Variants in NLRC4 observed in about 807,000 individuals in gnomAD.
The protein encoded by NLRC4 is NLR family CARD domain-containing protein 4.
In NLRC4, 63 loss-of-function variants were observed where a neutral mutation model predicts 79.9. The observed-to-expected ratio is 0.79, with a 90% CI of 0.64 to 0.97. The LOEUF (loss-of-function observed/expected upper bound fraction) is 0.97, where lower values mean the gene tolerates loss of function less well. Ranked by LOEUF, NLRC4 falls within the 50% of genes least tolerant of loss-of-function variation. The pLI is 0.00. For synonymous variants in NLRC4, 461 were observed against 456.5 expected, an observed-to-expected ratio of 1.01 and a Z score of -0.12; for missense variants, 1,074 against 1,215.2, an observed-to-expected ratio of 0.88 and a Z score of 1.73.
intron 5 of NLRC4, among the ~76,000 whole-genome samples, chr2:32,239,303 A>G (rs563988485): frequency 5.9e-5 from 9 of 152,282 alleles, no homozygotes; most frequent in African/African-American, 2.2e-4. Context: ...AAGAAAAGAA[A>G]TAAAATATAT....
chr2:32,251,394 A>C lies in NLRC4; in HGVS notation c.470T>G (p.Leu157Arg). The C allele has an allele frequency of 6.2e-7, 1 of 1,614,122 alleles. No homozygotes were observed. The highest frequency in any genetic ancestry group is 8.5e-7 in the Non-Finnish European group (1 of 1,180,002). ...HRVEQLTLNG[L>R]LQALQSPCII... is the part of the protein sequence containing the mutation. Reference sequence around the variant, plus strand: ...GCAGGGGCTCTGAAGAGCCTGCAGGAGGCCATTCAGGGTCAGCTGCTCCAC... The same window carrying C: ...GCAGGGGCTCTGAAGAGCCTGCAGGCGGCCATTCAGGGTCAGCTGCTCCAC... Residue 157 changes from leucine (L) to arginine (R), a missense_variant, in exon 4 of 9, where the codon CTC becomes CGC. By Grantham distance (102) the Leu-to-Arg change is moderately radical. Coordinates refer to ENST00000402280, the MANE Select transcript of NLRC4 (RefSeq NM_001199138.2).
intron 8 of NLRC4, among the ~76,000 whole-genome samples, chr2:32,229,812 A>T (rs1686489402): frequency 6.6e-6 from 1 of 152,262 alleles, no homozygotes; most frequent in African/African-American, 2.4e-5. Flanking sequence ...AACACTTCTG[A>T]AAGTGTCTAT....
At chr2:32,265,508 T>C (rs1687445055), upstream of NLRC4, 1 of 152,338 alleles carries the variant, frequency 6.6e-6, no homozygotes, top group African/African-American at 2.4e-5. Flanking sequence ...TGCTTAACCA[T>C]GGGAGATAGA....
At chr2:32,243,053 A>G (rs77460404) in intron 4 of NLRC4, among the ~76,000 whole-genome samples, 1 of 147,992 alleles carries the variant, frequency 6.8e-6, no homozygotes, top group African/African-American at 2.5e-5. Flanking sequence ...GTCTTTAATG[A>G]AAGAAAGAGA....
rs137978420 is a variant in NLRC4, at chr2:32,230,905, G to A, written c.2782+4496C>T. Among the ~76,000 whole-genome samples the A allele has an allele frequency of 2.0e-3, 299 of 152,048 alleles. 1 individual carries two copies. In the Middle Eastern group the frequency reaches 0.02, roughly 10 times the overall value. Reference sequence around the variant, plus strand: ...TAACTACCAGCATATGAATTTCTCCGTATCCTTGCCAACAACACTTGTTAT... The same window carrying A: ...TAACTACCAGCATATGAATTTCTCCATATCCTTGCCAACAACACTTGTTAT... On this transcript the variant is annotated intron_variant, in intron 8 of 8. Transcript: ENST00000402280.
At chr2:32,260,395 A>T (rs1558463536) in intron 1 of NLRC4, among the ~76,000 whole-genome samples, 1 of 152,140 alleles carries the variant, frequency 6.6e-6, no homozygotes, top group Non-Finnish European at 1.5e-5. Flanking sequence ...TTTGACTCTG[A>T]TCTTTCTAAT....
intron 4 of NLRC4, among the ~76,000 whole-genome samples, chr2:32,246,350 G>A (rs746251330): frequency 6.6e-6 from 1 of 152,188 alleles, no homozygotes; most frequent in Non-Finnish European, 1.5e-5. Context: ...GACACAGAAG[G>A]TAGTCTAATA....
rs751434892 is a variant in NLRC4, at chr2:32,261,316, C to CTTTTTTTTTTTTTTTTTTTTTTT, written c.-119+3421_-119+3422insAAAAAAAAAAAAAAAAAAAAAAA. 5.8e-3 allele frequency among the ~76,000 whole-genome samples: 560 copies of CTTTTTTTTTTTTTTTTTTTTTTT among 96,746 alleles called. 69 individuals carry two copies. Among genetic ancestry groups the CTTTTTTTTTTTTTTTTTTTTTTT allele is most frequent in the Non-Finnish European group, 6.6e-3 (318 of 48,024 alleles). 63.5% of individuals were successfully genotyped at this position (96,746 alleles called of 152,430 possible). A position where few individuals can be genotyped will look rare whatever the true frequency, so the allele number is the denominator to read the frequency against. On this transcript the variant is annotated intron_variant, in intron 1 of 8. Transcript: ENST00000402280. ...TTCTTTCGCCTATTAAGCCTCCCCC[C>CTTTTTTTTTTTTTTTTTTTTTTT]TTTTGTTTTTTTTTGAGATGGAGCC...
At position 32,237,178 on chromosome 2, in the gene NLRC4, G is replaced by A. The variant is rs557640848; in HGVS notation, c.2522-839C>T. Among the ~76,000 whole-genome samples the A allele has an allele frequency of 1.7e-4, 26 of 152,132 alleles. 1 individual carries two copies. The highest frequency in any genetic ancestry group is 6.8e-3 in the Middle Eastern group (2 of 294). On this transcript the variant is annotated intron_variant, in intron 6 of 8. Transcript: ENST00000402280. ...GCTTAATCTAGCTGAAGTTTTTTCT[G>A]TCAGGGCTAGAAAAATCTCCTTTTT... is the stretch of plus-strand genomic sequence containing the variant.
At chr2:32,227,403 C>T (rs1311379834) in intron 8 of NLRC4, among the ~76,000 whole-genome samples, 1 of 152,170 alleles carries the variant, frequency 6.6e-6, no homozygotes, top group African/African-American at 2.4e-5. Flanking sequence ...TGGAGGATGG[C>T]TTTCTCCCTG....
intron 2 of NLRC4, among the ~76,000 whole-genome samples, chr2:32,253,290 C>G (rs1687126698): frequency 1.3e-5 from 2 of 151,772 alleles, no homozygotes; most frequent in Admixed American, 1.3e-4. Context: ...GCTGGGATTA[C>G]AGGCACGCAC....
intron 8 of NLRC4, among the ~76,000 whole-genome samples, chr2:32,233,169 GAA>G (rs1310680128): frequency 0.011 from 1,055 of 91,826 alleles, 16 homozygotes; most frequent in Middle Eastern, 0.032. Context: ...AGGAAGGAAG[GAA>G]GGAAGGAAGG....
In NLRC4 at chr2:32,251,397, C is replaced by T. The variant is rs1435979058; in HGVS notation, c.467G>A (p.Gly156Asp). 2 of 1,613,922 alleles carry T rather than the reference C, an allele frequency of 1.2e-6. No individual in the cohort carries two copies. Among genetic ancestry groups the T allele is most frequent in the Admixed American group, 1.7e-5 (1 of 59,986 alleles). ...HHRVEQLTLN[G>D]LLQALQSPCI... ...GGGGCTCTGAAGAGCCTGCAGGAGG[C>T]CATTCAGGGTCAGCTGCTCCACGCG... Residue 156 changes from glycine to aspartate, a missense_variant, in exon 4 of 9, where the codon GGC (glycine) becomes GAC (aspartate). Coordinates refer to ENST00000402280, the MANE Select transcript of NLRC4 (RefSeq NM_001199138.2).
chr2:32,235,319 A>T, intron 8 of NLRC4, 82 bp downstream of exon 8: 1 of 945,552 alleles, frequency 1.1e-6, no homozygotes, highest in Non-Finnish European at 1.7e-6. Context: ...AAATAAAATA[A>T]GGGGGCAAAA....
At chr2:32,253,552 A>G (rs1008739363) in intron 2 of NLRC4, among the ~76,000 whole-genome samples, 1 of 152,172 alleles carries the variant, frequency 6.6e-6, no homozygotes, top group African/African-American at 2.4e-5. Context: ...AGCAGTCCCC[A>G]GTGAGGTTGT....
At chr2:32,231,584 G>GGGGGGGGGAC (rs1686539807) in intron 8 of NLRC4, among the ~76,000 whole-genome samples, 1 of 97,438 alleles carries the variant, frequency 1.0e-5, no homozygotes, top group Admixed American at 1.2e-4. Context: ...TGGGGGGGGG[G>GGGGGGGGGAC]TGGGGGACTG....
Position 32,249,880 on chromosome 2 carries a change from G to A in NLRC4, c.1984C>T (p.Leu662=). ...CTGAAATCCCGGAGTGTGACCTCCAGAGTCCTGAATTCCTGCTTCCAGTTG... is the reference window on the plus strand; with the variant it reads ...CTGAAATCCCGGAGTGTGACCTCCAAAGTCCTGAATTCCTGCTTCCAGTTG... ...FFNWKQEFRT[L]EVTLRDFSKL... The change falls in exon 4 of 9, where the codon CTG becomes TTG. Residue 662 remains leucine (L), a synonymous_variant. Coordinates refer to ENST00000402280, the MANE Select transcript of NLRC4 (RefSeq NM_001199138.2). 6.2e-7 allele frequency: 1 copy of A among 1,614,200 alleles called. No homozygotes were observed. Among genetic ancestry groups the A allele is most frequent in the Non-Finnish European group, 8.5e-7 (1 of 1,180,038 alleles).
intron 6 of NLRC4, among the ~76,000 whole-genome samples, chr2:32,236,764 C>A (rs212718): frequency 0.59 from 90,206 of 151,882 alleles, 27,087 homozygotes; most frequent in African/African-American, 0.63. Flanking sequence ...ACAACAACAA[C>A]AAAAATGAAA....
At chr2:32,244,847 A>AGAGAGG (rs1244651261) in intron 4 of NLRC4, among the ~76,000 whole-genome samples, 1 of 141,066 alleles carries the variant, frequency 7.1e-6, no homozygotes, top group Non-Finnish European at 1.5e-5. Flanking sequence ...GAGGAGAGGG[A>AGAGAGG]GAGAGGGGGA....
Sources: gnomAD v4.1 joint callset for allele counts (sites outside exome capture counted in the v4.1 genomes callset) on GRCh38, gnomAD v4.1.1 for gene constraint, MANE v1.5 for transcripts, NCBI Gene and HGNC (gene_info 2026-07-23, HGNC 2026-07-21) for gene names.